Variants in PHKA2 observed in about 807,000 individuals in gnomAD.
PHKA2 encodes phosphorylase b kinase regulatory subunit alpha, liver isoform.
PHKA2 carries 31 observed loss-of-function variants against 102.0 expected under a neutral mutation model. The observed-to-expected ratio is 0.30, with a 90% CI of 0.23 to 0.41. The LOEUF (loss-of-function observed/expected upper bound fraction) is 0.41. PHKA2 is among the 10% of genes least tolerant of loss of function. The pLI is 1.00. For missense variants in PHKA2, 858 were observed against 1,023.1 expected, an observed-to-expected ratio of 0.84 and a Z score of 2.20; for synonymous variants, 455 against 416.2, an observed-to-expected ratio of 1.09 and a Z score of -1.13.
chrX:18,900,788 C>A lies in PHKA2; in HGVS notation c.3028-89G>T. On this transcript the variant is annotated intron_variant, in intron 27 of 32. Transcript: ENST00000379942. ...ATTGCCCTCTCTCTTAATCCAGGGC[C>A]GTGTTGGTCAAACCGCAGGGGGTGA... 4.7e-6 allele frequency: 4 copies of A among 845,229 alleles called. 1 individual carries two copies. The highest frequency in any genetic ancestry group is 3.5e-6 in the Non-Finnish European group (2 of 566,129). 69.7% of individuals were successfully genotyped at this position (845,229 alleles called of 1,213,427 possible).
At chrX:18,916,910 G>A (rs1459336927) in intron 19 of PHKA2, among the ~76,000 whole-genome samples, 2 of 106,543 alleles carry the variant, frequency 1.9e-5, no homozygotes, top group Non-Finnish European at 1.9e-5. Context: ...TTCTCGTTCT[G>A]TTACTCAGGC....
At chrX:18,973,252 G>A (rs769529765) in intron 1 of PHKA2, among the ~76,000 whole-genome samples, 68 of 111,661 alleles carry the variant, frequency 6.1e-4, no homozygotes, top group African/African-American at 2.1e-3. Context: ...TGATCCATCC[G>A]CCTCGGCCTC....
rs1424046333 is a variant in PHKA2 at position 18,941,605 on chromosome X, A to G, written c.788T>C (p.Ile263Thr). ...KEIDAGLLSI[I>T]SFPAFAVEDV... ...TTCCACTGCAAAGGCCGGGAAGGAA[A>G]TAATGGAAAGAAGTCCAGCATCAAT... Residue 263 changes from isoleucine to threonine, a missense_variant, in exon 8 of 33, where the codon ATT becomes ACT. Ile to Thr is a moderately conservative substitution (Grantham distance 89, BLOSUM62 -1). Around this residue, in one of 2 missense-constraint regions of PHKA2, gnomAD observed 187 missense variants for 277.9 expected, o/e 0.67. Coordinates refer to ENST00000379942, the MANE Select transcript of PHKA2 (RefSeq NM_000292.3). The G allele has an allele frequency of 8.5e-7, 1 of 1,176,466 alleles. No homozygotes were observed. The highest frequency in any genetic ancestry group is 2.2e-5 in the Admixed American group (1 of 45,837).
chrX:18,895,187 T>C lies in PHKA2; in HGVS notation c.3287A>G (p.His1096Arg), dbSNP rs61731574. 9.1e-6 allele frequency: 11 copies of C among 1,208,374 alleles called. No homozygotes were observed. The highest frequency in any genetic ancestry group is 1.2e-5 in the Non-Finnish European group (11 of 893,836). ...GACATAACCATCGATGGAGAGACCG[T>C]GGCACTGGAGGCAGAATAGAGCGCA... is the stretch of plus-strand genomic sequence containing the variant. ...QRVWKILQKCHGLSIDGYVLP... is the reference protein window; with the variant it reads ...QRVWKILQKCRGLSIDGYVLP... The change falls in exon 31 of 33, where the codon CAC becomes CGC. Residue 1096 changes from histidine (H) to arginine (R), a missense_variant. Around this residue, in one of 2 missense-constraint regions of PHKA2, gnomAD observed 671 missense variants for 745.2 expected, o/e 0.90. Coordinates refer to ENST00000379942, the MANE Select transcript of PHKA2 (RefSeq NM_000292.3).
intron 22 of PHKA2, among the ~76,000 whole-genome samples, chrX:18,907,476 C>T (rs1957119049): frequency 8.9e-6 from 1 of 112,183 alleles, no homozygotes; most frequent in African/African-American, 3.2e-5. Flanking sequence ...TACCCGTTTC[C>T]CCATTATTCA....
At chrX:18,894,066 A>T in intron 32 of PHKA2, 138 bp downstream of exon 32, 2 of 599,107 alleles carry the variant, frequency 3.3e-6, no homozygotes, top group Non-Finnish European at 5.5e-6. Context: ...ACCATTTTCT[A>T]AGCAAGTGGT....
At chrX:18,977,364 A>C (rs1468441300) in intron 1 of PHKA2, among the ~76,000 whole-genome samples, 1 of 112,405 alleles carries the variant, frequency 8.9e-6, no homozygotes, top group African/African-American at 3.2e-5. Flanking sequence ...GAAACAAGTA[A>C]GTATTTCCTA....
At chrX:18,899,001 T>C (rs889464063) in intron 29 of PHKA2, among the ~76,000 whole-genome samples, 172 bp downstream of exon 29, 2 of 111,895 alleles carry the variant, frequency 1.8e-5, no homozygotes, top group Non-Finnish European at 3.8e-5. Context: ...GGCAAGCACT[T>C]TGGGGCCTTC....
At chrX:18,980,837 GGGCA>G (rs1323904872) in intron 1 of PHKA2, among the ~76,000 whole-genome samples, 34 of 111,572 alleles carry the variant, frequency 3.0e-4, no homozygotes, top group African/African-American at 1.1e-3. Context: ...AGGTGTGGAG[GGGCA>G]GGCCGCCCCT....
intron 5 of PHKA2, 85 bp from the exon 6 acceptor site, chrX:18,945,243 C>T (rs1258099966): frequency 7.0e-6 from 4 of 572,806 alleles, no homozygotes; most frequent in Admixed American, 4.9e-5. Context: ...TATGTTCCTG[C>T]AGCCACACTG....
chrX:18,965,282 G>C (rs1260103355), intron 1 of PHKA2, among the ~76,000 whole-genome samples: 2 of 111,668 alleles, frequency 1.8e-5, no homozygotes, highest in Non-Finnish European at 3.8e-5. Flanking sequence ...TCCTGAGCCT[G>C]GTGTTGTGGA....
rs1421610634 is a variant in PHKA2, at chrX:18,908,151, T to C, written c.2361-95A>G. Reference sequence around the variant, plus strand: ...TGCATTTTGCACAGCACTTGGGCTCTCCCAGTGCCCCTGAGTCTCACTGAG... The same window carrying C: ...TGCATTTTGCACAGCACTTGGGCTCCCCCAGTGCCCCTGAGTCTCACTGAG... On this transcript the variant is annotated intron_variant, in intron 21 of 32. Coordinates refer to ENST00000379942, the MANE Select transcript of PHKA2 (RefSeq NM_000292.3). 3 of 852,482 alleles carry C rather than the reference T, an allele frequency of 3.5e-6. No homozygotes were observed. The African/African-American group carries it at 6.0e-5, about 17-fold the overall frequency. 70.3% of individuals were successfully genotyped at this position (852,482 alleles called of 1,213,427 possible). A position where few individuals can be genotyped will look rare whatever the true frequency, so the allele number is the denominator to read the frequency against.
At chrX:18,901,743 C>A in intron 26 of PHKA2, 140 bp from the exon 27 acceptor site, 1 of 520,929 alleles carries the variant, frequency 1.9e-6, no homozygotes, top group Non-Finnish European at 3.5e-6. Flanking sequence ...CCGAGAGCAG[C>A]ACAGGTGCAG....
intron 9 of PHKA2, among the ~76,000 whole-genome samples, 181 bp from the exon 10 acceptor site, chrX:18,938,930 A>C (rs896266405): frequency 2.7e-5 from 3 of 112,511 alleles, no homozygotes; most frequent in Admixed American, 9.4e-5. Context: ...TTCAGAAAGT[A>C]AGTCAGAAAC....
At chrX:18,940,125 T>C (rs1251834126) in intron 8 of PHKA2, 77 bp from the exon 9 acceptor site, 1 of 649,292 alleles carries the variant, frequency 1.5e-6, no homozygotes, top group East Asian at 3.2e-5. Context: ...CTGCACCCTC[T>C]TTCCCATGAA....
intron 26 of PHKA2, among the ~76,000 whole-genome samples, chrX:18,902,302 A>AT (rs1355810804): frequency 9.3e-6 from 1 of 107,149 alleles, no homozygotes; most frequent in Non-Finnish European, 1.9e-5. Context: ...TACCTGGCTA[A>AT]TTTTTTGTAT....
chrX:18,921,713 T>A (rs1438327423), intron 17 of PHKA2, among the ~76,000 whole-genome samples: 1 of 111,276 alleles, frequency 9.0e-6, no homozygotes, highest in African/African-American at 3.3e-5. Context: ...CTGACACCAA[T>A]AAGCCCTCAT....
At chrX:18,911,748 G>T (rs750482126) in intron 19 of PHKA2, among the ~76,000 whole-genome samples, 1 of 112,860 alleles carries the variant, frequency 8.9e-6, no homozygotes, top group Non-Finnish European at 1.9e-5. Context: ...TAAGAAGTGA[G>T]CAGGCATAGA....
intron 19 of PHKA2, among the ~76,000 whole-genome samples, chrX:18,914,150 G>T (rs769642806): frequency 8.9e-6 from 1 of 112,628 alleles, no homozygotes; most frequent in Non-Finnish European, 1.9e-5. Context: ...GCAGTGCATG[G>T]TGCTACAAAG....
Sources: allele counts gnomAD v4.1 joint callset (sites outside exome capture counted in the v4.1 genomes callset), GRCh38; gene constraint gnomAD v4.1.1; regional missense constraint gnomAD v4.1.1; transcripts MANE v1.5; gene names NCBI Gene and HGNC (gene_info 2026-07-23, HGNC 2026-07-21).